MAP2: variants seen among roughly 807,000 people sequenced by gnomAD.
MAP2 encodes microtubule-associated protein 2.
MAP2 carries 14 observed loss-of-function variants against 137.6 expected under a neutral mutation model. That is an observed-to-expected ratio of 0.10 (90% CI 0.07 to 0.16). The LOEUF is 0.16. Ranked by LOEUF, MAP2 falls within the 10% of genes least tolerant of loss-of-function variation. The probability of loss-of-function intolerance (pLI) is 1.00; values close to 1 mark genes in which losing one functional copy is unlikely to be tolerated. For synonymous variants in MAP2, 786 were observed against 782.3 expected (o/e 1.00, Z -0.08); for missense variants, 2,088 against 2,191.5 (o/e 0.95, Z 0.94).
chr2:209,667,110 T>C (rs775845593), intron 5 of MAP2, among the ~76,000 whole-genome samples: 27 of 152,104 alleles, frequency 1.8e-4, no homozygotes, highest in Non-Finnish European at 3.4e-4. Flanking sequence ...ATTTCTTGTA[T>C]TTTATGCTAT....
At chr2:209,522,598 A>C (rs560617790) in intron 2 of MAP2, among the ~76,000 whole-genome samples, 1 of 152,182 alleles carries the variant, frequency 6.6e-6, no homozygotes, top group Non-Finnish European at 1.5e-5. Flanking sequence ...AAAGTTTCAA[A>C]ATAATTAATA....
intron 7 of MAP2, among the ~76,000 whole-genome samples, chr2:209,681,153 T>C (rs2054381342): frequency 6.6e-6 from 1 of 152,134 alleles, no homozygotes; most frequent in Admixed American, 6.6e-5. Context: ...TGTAAGTGAC[T>C]GAACAAAAAT....
chr2:209,432,322 T>C (rs1559153766), intron 1 of MAP2, among the ~76,000 whole-genome samples: 1 of 152,188 alleles, frequency 6.6e-6, no homozygotes, highest in Non-Finnish European at 1.5e-5. Context: ...TACAGTGCTC[T>C]ATCCCTCTTG....
intron 1 of MAP2, among the ~76,000 whole-genome samples, chr2:209,435,587 G>T (rs1409850891): frequency 6.6e-6 from 1 of 151,666 alleles, no homozygotes; most frequent in Non-Finnish European, 1.5e-5. Flanking sequence ...AAGGCCACTG[G>T]CATCAGTGAA....
intron 5 of MAP2, among the ~76,000 whole-genome samples, chr2:209,656,636 A>G (rs1582445462): frequency 6.6e-6 from 1 of 152,210 alleles, no homozygotes; most frequent in Non-Finnish European, 1.5e-5. Flanking sequence ...TCTTACCACT[A>G]AAGTGTGCTT....
chr2:209,704,527 G>A (rs748101855), intron 11 of MAP2: 10 of 1,612,422 alleles, frequency 6.2e-6, no homozygotes, highest in African/African-American at 4.0e-5. Flanking sequence ...GCCCTAGCAC[G>A]ACTAAAAGGG....
chr2:209,717,820 G>A (rs1273501770), intron 13 of MAP2, among the ~76,000 whole-genome samples: 1 of 152,084 alleles, frequency 6.6e-6, no homozygotes, highest in Non-Finnish European at 1.5e-5. Context: ...CAAAAAGGAG[G>A]TTTTTTGTTT....
At chr2:209,705,863 A>C (rs964822511) in intron 12 of MAP2, 136 bp downstream of exon 12, 1 of 778,338 alleles carries the variant, frequency 1.3e-6, no homozygotes, top group Non-Finnish European at 1.9e-6. Context: ...TAAGGATCAG[A>C]AAATCCAGAA....
chr2:209,494,997 A>G (rs1187877066), intron 1 of MAP2, among the ~76,000 whole-genome samples: 1 of 152,248 alleles, frequency 6.6e-6, no homozygotes, highest in African/African-American at 2.4e-5. Context: ...ATATATGTGT[A>G]TATATTCCAC....
chr2:209,547,246 A>G (rs1409367602), intron 2 of MAP2, among the ~76,000 whole-genome samples: 1 of 152,060 alleles, frequency 6.6e-6, no homozygotes, highest in Non-Finnish European at 1.5e-5. Context: ...GGGCTTTGAC[A>G]TGCTACTTCT....
At position 209,636,154 on chromosome 2, in the gene MAP2, T is replaced by G. The variant is rs2093544053; in HGVS notation, c.-30+11025T>G. 2.0e-5 allele frequency among the ~76,000 whole-genome samples: 3 copies of G among 152,266 alleles called. No individual in the cohort carries two copies. In the South Asian group the frequency reaches 6.2e-4, roughly 32 times the overall value. On this transcript the variant is annotated intron_variant, in intron 4 of 15. Transcript: ENST00000682079. Reference sequence around the variant, plus strand: ...CTCAGTAATTACTACAGAAGGCAGTTTGATTCTGAGACAGTTGTAGTCTCT... The same window carrying G: ...CTCAGTAATTACTACAGAAGGCAGTGTGATTCTGAGACAGTTGTAGTCTCT...
chr2:209,711,991 A>T (rs1162645405), intron 13 of MAP2, among the ~76,000 whole-genome samples: 1 of 152,136 alleles, frequency 6.6e-6, no homozygotes, highest in Non-Finnish European at 1.5e-5. Context: ...TATCTCCAAG[A>T]TATTGTATTA....
intron 1 of MAP2, among the ~76,000 whole-genome samples, chr2:209,430,967 T>G (rs997319370): frequency 6.6e-6 from 1 of 152,022 alleles, no homozygotes; most frequent in Non-Finnish European, 1.5e-5. Context: ...GAAGATTATT[T>G]CAGAGCACTG....
chr2:209,449,562 A>T (rs1023120293), intron 1 of MAP2, among the ~76,000 whole-genome samples: 4 of 148,670 alleles, frequency 2.7e-5, no homozygotes, highest in Non-Finnish European at 4.4e-5. Context: ...TGTTATATAT[A>T]TATAAAATAT....
At chr2:209,651,265 C>T (rs1253564647) in intron 4 of MAP2, among the ~76,000 whole-genome samples, 1 of 152,256 alleles carries the variant, frequency 6.6e-6, no homozygotes. Flanking sequence ...AGGATGCTCT[C>T]TTCTCATTAG....
chr2:209,695,798 A>G lies in MAP2; in HGVS notation c.3628A>G (p.Ile1210Val), dbSNP rs1388612630. Residue 1210 changes from isoleucine to valine, a missense_variant, in exon 8 of 16, where the codon ATA becomes GTA. This residue lies in a region of MAP2 where 591 missense variants were observed against 642.6 expected (regional missense o/e 0.92). Transcript: ENST00000682079. ...PKEESKETPD[I>V]SITPSDVAEP... ...AGAAGAAAGCAAAGAGACCCCAGAT[A>G]TATCCATCACGCCTTCTGATGTTGC... The G allele has an allele frequency of 6.2e-7, 1 of 1,614,092 alleles. No homozygotes were observed.
At chr2:209,508,890 TA>T (rs1483127947) in intron 2 of MAP2, among the ~76,000 whole-genome samples, 1 of 152,008 alleles carries the variant, frequency 6.6e-6, no homozygotes, top group African/African-American at 2.4e-5. Context: ...TGTGAACATT[TA>T]AATGTGCAAT....
chr2:209,450,621 A>C (rs1700096199), intron 1 of MAP2, among the ~76,000 whole-genome samples: 1 of 152,196 alleles, frequency 6.6e-6, no homozygotes, highest in Admixed American at 6.5e-5. Context: ...TGCTCCTCAG[A>C]ATGTCTGTAA....
At chr2:209,615,606 G>A (rs2088968411) in intron 3 of MAP2, among the ~76,000 whole-genome samples, 1 of 152,080 alleles carries the variant, frequency 6.6e-6, no homozygotes, top group South Asian at 2.1e-4. Flanking sequence ...ACTCTATAGG[G>A]GAAGTCTCAT....
Sources: gnomAD v4.1 joint callset for allele counts (sites outside exome capture counted in the v4.1 genomes callset) on GRCh38, gnomAD v4.1.1 for gene constraint, gnomAD v4.1.1 regional missense constraint, MANE v1.5 for transcripts, NCBI Gene and HGNC (gene_info 2026-07-23, HGNC 2026-07-21) for gene names.